Variants in SP3 observed in about 807,000 individuals in gnomAD.
SP3 encodes Sp3 transcription factor.
SP3 carries 10 observed loss-of-function variants against 70.3 expected under a neutral mutation model. The ratio of observed to expected loss-of-function variants is 0.14; its 90% CI spans 0.09 to 0.24. SP3 has a LOEUF of 0.24. Ranked by LOEUF, SP3 falls within the 10% of genes least tolerant of loss-of-function variation. SP3 has a pLI of 1.00. For synonymous variants in SP3, 402 were observed against 333.5 expected, an observed-to-expected ratio of 1.21 and a Z score of -2.24; for missense variants, 825 against 914.6, an observed-to-expected ratio of 0.90 and a Z score of 1.26.
intron 4 of SP3, among the ~76,000 whole-genome samples, chr2:173,948,157 A>G (rs2105490369): frequency 6.6e-6 from 1 of 152,292 alleles, no homozygotes; most frequent in South Asian, 2.1e-4. Flanking sequence ...ATTAATAGCT[A>G]ATTAAATAGG....
At chr2:173,918,288 A>G (rs1404709587) in intron 5 of SP3, among the ~76,000 whole-genome samples, 1 of 152,102 alleles carries the variant, frequency 6.6e-6, no homozygotes, top group Non-Finnish European at 1.5e-5. Context: ...CTTTTTATCT[A>G]TATTTAGGCA....
chr2:173,963,579 C>T (rs1467922714), intron 3 of SP3, among the ~76,000 whole-genome samples, 182 bp downstream of exon 3: 1 of 152,134 alleles, frequency 6.6e-6, no homozygotes, highest in East Asian at 1.9e-4. Context: ...TTCGAGAAAG[C>T]CTGGGCTGGC....
rs139339016 is a variant in SP3, at chr2:173,921,551, A to C, written c.1640-2766T>G. Among the ~76,000 whole-genome samples the C allele has an allele frequency of 2.1e-3, 325 of 152,166 alleles. 3 individuals carry two copies. The highest frequency in any genetic ancestry group is 7.5e-3 in the African/African-American group (313 of 41,524). ...TCCAAAAACAAACAAACAAACAAACAAACAAACAAACAGGCCAGGCAGGCA... is the reference window on the plus strand; with the variant it reads ...TCCAAAAACAAACAAACAAACAAACCAACAAACAAACAGGCCAGGCAGGCA... On this transcript the variant is annotated intron_variant, in intron 4 of 6. Coordinates refer to ENST00000310015, the MANE Select transcript of SP3 (RefSeq NM_003111.5).
At chr2:173,938,658 C>A (rs938153820) in intron 4 of SP3, among the ~76,000 whole-genome samples, 1 of 151,294 alleles carries the variant, frequency 6.6e-6, no homozygotes, top group Non-Finnish European at 1.5e-5. Flanking sequence ...AGCTATAATA[C>A]AAGACAAAGG....
At chr2:173,913,035 T>C (rs200188114) in intron 6 of SP3, 35 bp downstream of exon 6, 3 of 1,474,676 alleles carry the variant, frequency 2.0e-6, no homozygotes, top group Non-Finnish European at 2.7e-6. Context: ...AGCCCTATAA[T>C]TCATTTTTGT....
chr2:173,914,129 TATTAAACAC>T (rs1310043571), intron 5 of SP3: 1 of 151,788 alleles, frequency 6.6e-6, no homozygotes, highest in Non-Finnish European at 1.5e-5. Flanking sequence ...ATTTGAATAG[TATTAAACAC>T]TACAGAAAAT....
At position 173,955,870 on chromosome 2, in the gene SP3, T is replaced by A; in HGVS notation, c.642A>T (p.Leu214Phe). 6.2e-7 allele frequency: 1 copy of A among 1,614,222 alleles called. No homozygotes were observed. The highest frequency in any genetic ancestry group is 1.1e-5 in the South Asian group (1 of 91,086). The change falls in exon 4 of 7, where the codon TTA becomes TTT. Residue 214 changes from leucine to phenylalanine, a missense_variant. Transcript: ENST00000310015. ...TAGCAGAAGGTGTTCCAGAGGCAAGTAAGGTTTGATTAGAGCCAGGAATGA... is the reference window on the plus strand; with the variant it reads ...TAGCAGAAGGTGTTCCAGAGGCAAGAAAGGTTTGATTAGAGCCAGGAATGA... ...IQIIPGSNQT[L>F]LASGTPSANI...
intron 4 of SP3, among the ~76,000 whole-genome samples, chr2:173,942,481 G>A (rs527962011): frequency 6.6e-6 from 1 of 152,264 alleles, no homozygotes; most frequent in East Asian, 1.9e-4. Context: ...CAGGAGAAAC[G>A]CTTGAACCCA....
At position 173,923,574 on chromosome 2, in the gene SP3, GAA is replaced by G. The variant is rs1689819513; in HGVS notation, c.1640-4791_1640-4790del. 2.0e-5 allele frequency among the ~76,000 whole-genome samples: 3 copies of G among 152,068 alleles called. No individual in the cohort carries two copies. In the South Asian group the frequency reaches 6.2e-4, roughly 32 times the overall value. ...ATTCTTAACCAACTTATCAAGTCTG[GAA>G]CACGCATACTTAATTTAAATAGCTA... On this transcript the variant is annotated intron_variant, in intron 4 of 6. Transcript: ENST00000310015.
chr2:173,949,928 T>G (rs970782212), intron 4 of SP3, among the ~76,000 whole-genome samples: 4 of 152,216 alleles, frequency 2.6e-5, no homozygotes, highest in Non-Finnish European at 4.4e-5. Context: ...GAGACTGAAT[T>G]AAGTCTTGGC....
chr2:173,915,053 A>G (rs1178487323), intron 5 of SP3: 1 of 152,172 alleles, frequency 6.6e-6, no homozygotes, highest in African/African-American at 2.4e-5. Flanking sequence ...TTACAAACTC[A>G]AAAGTGCATT....
rs1689193566 is a variant in SP3 at position 173,901,706 on chromosome 2, T to A, written c.*8235A>T. Among the ~76,000 whole-genome samples, 1 of 146,096 alleles carries A rather than the reference T, an allele frequency of 6.8e-6. No individual in the cohort carries two copies. The highest frequency in any genetic ancestry group is 1.5e-5 in the Non-Finnish European group (1 of 66,502). On this transcript the variant is annotated 3_prime_UTR_variant, in exon 7 of 7. Coordinates refer to ENST00000310015, the MANE Select transcript of SP3 (RefSeq NM_003111.5). Reference sequence around the variant, plus strand: ...AGTTGGACTTAAGCCTTTTTTTTTTTTTTTTTTTTTTTTGAGACGAAATCT... The same window carrying A: ...AGTTGGACTTAAGCCTTTTTTTTTTATTTTTTTTTTTTTGAGACGAAATCT...
chr2:173,950,334 T>G (rs1326020991), intron 4 of SP3, among the ~76,000 whole-genome samples: 1 of 149,638 alleles, frequency 6.7e-6, no homozygotes, highest in South Asian at 2.1e-4. Flanking sequence ...AAAAAAAAAG[T>G]ACTTTCTCCT....
At chr2:173,965,033 G>A (rs1691247222) in intron 1 of SP3, 132 bp downstream of exon 1, 2 of 1,247,520 alleles carry the variant, frequency 1.6e-6, no homozygotes, top group African/African-American at 1.5e-5. Flanking sequence ...GGGGAGTGCA[G>A]CTTTCTGCCT....
chr2:173,911,813 CTTTTTTTT>C (rs11448837), intron 6 of SP3, among the ~76,000 whole-genome samples: 2 of 98,040 alleles, frequency 2.0e-5, no homozygotes, highest in East Asian at 5.2e-4. Context: ...TTTTATCTAC[CTTTTTTTT>C]TTTTTTTTTT....
intron 6 of SP3, among the ~76,000 whole-genome samples, chr2:173,911,714 A>G (rs1036629088): frequency 6.6e-6 from 1 of 152,004 alleles, no homozygotes; most frequent in African/African-American, 2.4e-5. Context: ...CAGGGCCATC[A>G]TAAGATCTAT....
chr2:173,965,281 A>T lies in SP3; in HGVS notation c.-110T>A. 1 of 1,295,436 alleles carries T rather than the reference A, an allele frequency of 7.7e-7. No individual in the cohort carries two copies. 80.2% of individuals were successfully genotyped at this position (1,295,436 alleles called of 1,614,324 possible). A position where few individuals can be genotyped will look rare whatever the true frequency, so the allele number is the denominator to read the frequency against. ...GGGAAGCGGCGGCGGACACGGCCGG[A>T]GCGGTCCGGGGATTTTTTTTTCCTA... On this transcript the variant is annotated 5_prime_UTR_variant, in exon 1 of 7. Transcript: ENST00000310015.
chr2:173,963,423 G>C (rs879560154), intron 3 of SP3: 2 of 152,404 alleles, frequency 1.3e-5, no homozygotes, highest in Non-Finnish European at 2.9e-5. Context: ...ATGGCCGATA[G>C]GCTGTGCTTG....
chr2:173,950,481 C>G (rs1410431021), intron 4 of SP3, among the ~76,000 whole-genome samples: 1 of 152,072 alleles, frequency 6.6e-6, no homozygotes, highest in East Asian at 1.9e-4. Context: ...CAGTTCAAGA[C>G]CAACTTGGGC....
Sources: allele counts gnomAD v4.1 joint callset (sites outside exome capture counted in the v4.1 genomes callset), GRCh38; gene constraint gnomAD v4.1.1; transcripts MANE v1.5; gene names NCBI Gene and HGNC (gene_info 2026-07-23, HGNC 2026-07-21).